Variants in SCOC observed in about 807,000 individuals in gnomAD.
SCOC encodes the protein short coiled coil protein.
In SCOC, 7 loss-of-function variants were observed where a neutral mutation model predicts 9.9. That is an observed-to-expected ratio of 0.71 (90% CI 0.40 to 1.33). The LOEUF (loss-of-function observed/expected upper bound fraction) is 1.33, where lower values mean the gene tolerates loss of function less well. Among genes scored for constraint, SCOC ranks in the 40% most tolerant of loss-of-function variants. SCOC has a pLI of 0.01. For synonymous variants in SCOC, 19 were observed against 28.2 expected (o/e 0.67, Z 1.03); for missense variants, 66 against 89.7 (o/e 0.74, Z 1.07).
intron 1 of SCOC, among the ~76,000 whole-genome samples, chr4:140,378,434 G>A (rs1466090319): frequency 6.6e-6 from 1 of 151,676 alleles, no homozygotes; most frequent in East Asian, 1.9e-4. Context: ...TTTTCATGTA[G>A]TATAGTCATA....
intron 2 of SCOC, among the ~76,000 whole-genome samples, chr4:140,355,211 T>TTATATTTA (rs1553940380): frequency 1.6e-5 from 1 of 61,424 alleles, no homozygotes; most frequent in Non-Finnish European, 4.1e-5. Context: ...CATTATATTT[T>TTATATTTA]TATATATATA....
upstream of SCOC, among the ~76,000 whole-genome samples, chr4:140,372,617 G>A (rs1187818254): frequency 6.6e-6 from 1 of 152,100 alleles, no homozygotes; most frequent in East Asian, 1.9e-4. Flanking sequence ...GCAGCCAAAT[G>A]CATAGTTCTC....
intron 1 of SCOC, among the ~76,000 whole-genome samples, chr4:140,279,464 G>T (rs1731053434): frequency 6.6e-6 from 1 of 152,080 alleles, no homozygotes; most frequent in South Asian, 2.1e-4. Flanking sequence ...CTAGTCAACT[G>T]CTTGGAATTT....
intron 1 of SCOC, among the ~76,000 whole-genome samples, chr4:140,304,556 A>G (rs555417411): frequency 6.6e-6 from 1 of 152,278 alleles, no homozygotes; most frequent in South Asian, 2.1e-4. Flanking sequence ...ACTACAGTGA[A>G]GCAATTAACA....
intron 2 of SCOC, among the ~76,000 whole-genome samples, chr4:140,355,218 T>C (rs1578849143): frequency 9.8e-5 from 1 of 10,162 alleles, no homozygotes; most frequent in South Asian, 2.5e-3. Context: ...TTTTTATATA[T>C]ATATATATAT....
At chr4:140,353,317 C>T (rs949364139) in intron 2 of SCOC, among the ~76,000 whole-genome samples, 1 of 152,136 alleles carries the variant, frequency 6.6e-6, no homozygotes, top group Non-Finnish European at 1.5e-5. Context: ...ATATATCCAC[C>T]AATCACAGAA....
At chr4:140,299,558 A>G (rs1340445651) in intron 1 of SCOC, among the ~76,000 whole-genome samples, 1 of 152,248 alleles carries the variant, frequency 6.6e-6, no homozygotes, top group African/African-American at 2.4e-5. Flanking sequence ...CTGTGATTCA[A>G]CTGGAGATAT....
At chr4:140,262,477 T>C (rs1237374453) in intron 1 of SCOC, among the ~76,000 whole-genome samples, 2 of 152,214 alleles carry the variant, frequency 1.3e-5, no homozygotes, top group East Asian at 3.9e-4. Flanking sequence ...TCCAAAACAC[T>C]GCCCTACAGT....
chr4:140,317,025 A>T (rs574406335), intron 1 of SCOC, among the ~76,000 whole-genome samples: 72 of 151,988 alleles, frequency 4.7e-4, no homozygotes, highest in African/African-American at 1.7e-3. Flanking sequence ...GTCTATGGAG[A>T]CTCGTTGTTT....
chr4:140,344,012 T>G (rs933801188), intron 2 of SCOC, among the ~76,000 whole-genome samples: 1 of 152,194 alleles, frequency 6.6e-6, no homozygotes, highest in Non-Finnish European at 1.5e-5. Context: ...ACCTATAATA[T>G]CGCCACATTT....
intron 1 of SCOC, among the ~76,000 whole-genome samples, chr4:140,307,110 G>A (rs986103596): frequency 6.6e-6 from 1 of 152,144 alleles, no homozygotes; most frequent in Non-Finnish European, 1.5e-5. Flanking sequence ...GCAAGAAGGG[G>A]CCATCTATGA....
chr4:140,309,540 T>G (rs1299045911), intron 1 of SCOC, among the ~76,000 whole-genome samples: 2 of 152,274 alleles, frequency 1.3e-5, no homozygotes, highest in South Asian at 2.1e-4. Context: ...CCTTTTACAA[T>G]CACCACTTTA....
At chr4:140,362,292 T>C (rs1469748061) in intron 2 of SCOC, among the ~76,000 whole-genome samples, 4 of 20,960 alleles carry the variant, frequency 1.9e-4, no homozygotes, top group Non-Finnish European at 3.6e-4. Context: ...TTCTTCTTCT[T>C]CTTCTTCTTT....
At chr4:140,288,153 A>G (rs948178854) in intron 1 of SCOC, among the ~76,000 whole-genome samples, 4 of 151,956 alleles carry the variant, frequency 2.6e-5, no homozygotes, top group African/African-American at 4.8e-5. Flanking sequence ...TTTTATGTAT[A>G]GATACCACAT....
chr4:140,344,358 T>C (rs1050883230), intron 2 of SCOC, among the ~76,000 whole-genome samples: 3 of 152,156 alleles, frequency 2.0e-5, no homozygotes, highest in Non-Finnish European at 4.4e-5. Flanking sequence ...TGTTGCTTTC[T>C]ATCCAAGTTC....
intron 1 of SCOC, among the ~76,000 whole-genome samples, chr4:140,338,401 C>T (rs1360796862): frequency 6.6e-6 from 1 of 152,172 alleles, no homozygotes; most frequent in African/African-American, 2.4e-5. Flanking sequence ...GACAGGGATG[C>T]CCTCTGTCAC....
At chr4:140,371,718 G>C (rs1326699144), upstream of SCOC, among the ~76,000 whole-genome samples, 1 of 151,968 alleles carries the variant, frequency 6.6e-6, no homozygotes, top group African/African-American at 2.4e-5. Context: ...CTTTAAAATA[G>C]AATTACCATA....
intron 2 of SCOC, among the ~76,000 whole-genome samples, chr4:140,351,296 G>A (rs1327592166): frequency 6.6e-6 from 1 of 152,090 alleles, no homozygotes; most frequent in African/African-American, 2.4e-5. Flanking sequence ...ACTGCCTGTT[G>A]ACGTCCTCCT....
chr4:140,352,231 T>G (rs887903041), intron 2 of SCOC, among the ~76,000 whole-genome samples: 3 of 152,232 alleles, frequency 2.0e-5, no homozygotes, highest in African/African-American at 7.2e-5. Flanking sequence ...AAAGATCATC[T>G]CTAGTATGTT....
Sources: gnomAD v4.1 joint callset for allele counts (sites outside exome capture counted in the v4.1 genomes callset) on GRCh38, gnomAD v4.1.1 for gene constraint, MANE v1.5 for transcripts, NCBI Gene and HGNC (gene_info 2026-07-23, HGNC 2026-07-21) for gene names.